Variants in CXADR observed in about 807,000 individuals in gnomAD.
CXADR encodes coxsackievirus and adenovirus receptor.
A neutral mutation model predicts 40.3 loss-of-function variants in CXADR; 20 were observed. That is an observed-to-expected ratio of 0.50 (90% CI 0.35 to 0.72). The LOEUF (loss-of-function observed/expected upper bound fraction) is 0.72. CXADR is among the 30% of genes least tolerant of loss of function. The probability of loss-of-function intolerance (pLI) is 0.01; values close to 1 mark genes in which losing one functional copy is unlikely to be tolerated. For missense variants in CXADR, 332 were observed against 449.1 expected, an observed-to-expected ratio of 0.74 and a Z score of 2.36; for synonymous variants, 150 against 161.3, an observed-to-expected ratio of 0.93 and a Z score of 0.53.
At chr21:17,572,062 C>T (rs1449117697), downstream of CXADR, among the ~76,000 whole-genome samples, 6 of 152,094 alleles carry the variant, frequency 3.9e-5, no homozygotes, top group Non-Finnish European at 8.8e-5. Flanking sequence ...GGCCTGGTCT[C>T]TTCAAAAAGG....
At chr21:17,630,650 C>CTTTTTTTTTTTTTTTTTT in the CXADR span, among the ~76,000 whole-genome samples, 3 of 116,994 alleles carry the variant, frequency 2.6e-5, no homozygotes, top group Non-Finnish European at 3.4e-5. Flanking sequence ...CTTCCTTCTT[C>CTTTTTTTTTTTTTTTTTT]TTTTTTTTTT....
chr21:17,602,042 TA>T, the CXADR span, among the ~76,000 whole-genome samples: 1 of 152,200 alleles, frequency 6.6e-6, no homozygotes, highest in Non-Finnish European at 1.5e-5. Flanking sequence ...GGACAACTTT[TA>T]AACTTTCCAT....
At chr21:17,600,860 A>C in the CXADR span, among the ~76,000 whole-genome samples, 1 of 152,008 alleles carries the variant, frequency 6.6e-6, no homozygotes, top group Non-Finnish European at 1.5e-5. Flanking sequence ...TTTTTAGTTT[A>C]CCTCATAAAA....
At chr21:17,604,168 G>A in the CXADR span, 2 of 1,276,674 alleles carry the variant, frequency 1.6e-6, no homozygotes, top group Non-Finnish European at 2.0e-6. Flanking sequence ...AGGAGGCCGG[G>A]CGCAGTGGCT....
the CXADR span, among the ~76,000 whole-genome samples, chr21:17,631,642 C>G: frequency 1.3e-5 from 2 of 152,284 alleles, no homozygotes; most frequent in South Asian, 2.1e-4. Context: ...TATTCGTTCT[C>G]TTAGAGACCT....
chr21:17,523,560 A>G (rs2060557675), intron 1 of CXADR, among the ~76,000 whole-genome samples: 1 of 152,222 alleles, frequency 6.6e-6, no homozygotes, highest in Non-Finnish European at 1.5e-5. Flanking sequence ...TCATCATCAG[A>G]TGAGAGTTGA....
intron 7 of CXADR, among the ~76,000 whole-genome samples, chr21:17,592,763 T>C (rs1444897469): frequency 6.6e-6 from 1 of 151,884 alleles, no homozygotes; most frequent in Non-Finnish European, 1.5e-5. Flanking sequence ...AGAGTAGATA[T>C]GGTTTAGAGA....
In CXADR at chr21:17,569,662, C is replaced by T. The variant is rs1246846265; in HGVS notation, c.*3970C>T. On this transcript the variant is annotated 3_prime_UTR_variant, in exon 7 of 7. Transcript: ENST00000284878. ...TGATCATTTATCTTATAGCAGATAACCCCAGCCTCTTATTCATTATGGTTA... is the reference window on the plus strand; with the variant it reads ...TGATCATTTATCTTATAGCAGATAATCCCAGCCTCTTATTCATTATGGTTA... The T allele has an allele frequency of 1.0e-6, 1 of 971,744 alleles. No individual in the cohort carries two copies. Among genetic ancestry groups the T allele is most frequent in the South Asian group, 4.8e-5 (1 of 20,996 alleles). 60.2% of individuals were successfully genotyped at this position (971,744 alleles called of 1,614,324 possible).
At chr21:17,550,870 C>G (rs1426917726) in intron 2 of CXADR, among the ~76,000 whole-genome samples, 1 of 152,168 alleles carries the variant, frequency 6.6e-6, no homozygotes, top group African/African-American at 2.4e-5. Context: ...ATTCAAAGGA[C>G]TTGTTAACCT....
chr21:17,527,771 T>C (rs1052926953), intron 1 of CXADR, among the ~76,000 whole-genome samples: 18 of 152,036 alleles, frequency 1.2e-4, no homozygotes, highest in East Asian at 3.9e-4. Context: ...ATCTAACTTA[T>C]AGTTGCTGCT....
At chr21:17,593,092 A>AG in intron 7 of CXADR, 2 of 1,280,800 alleles carry the variant, frequency 1.6e-6, no homozygotes, top group Non-Finnish European at 2.0e-6. Flanking sequence ...GTTTTTAAAA[A>AG]TTTACCTTTG....
the CXADR span, among the ~76,000 whole-genome samples, chr21:17,634,799 C>T: frequency 6.6e-6 from 1 of 152,094 alleles, no homozygotes; most frequent in African/African-American, 2.4e-5. Flanking sequence ...GGCTATAGTG[C>T]AGTGACTATT....
chr21:17,536,300 C>G (rs190454997), intron 1 of CXADR, among the ~76,000 whole-genome samples: 1 of 152,190 alleles, frequency 6.6e-6, no homozygotes, highest in Admixed American at 6.5e-5. Context: ...GATTTGCTAA[C>G]ATTTCTCATC....
chr21:17,594,370 A>T (rs1185756181), downstream of CXADR: 3 of 1,580,572 alleles, frequency 1.9e-6, no homozygotes, highest in Non-Finnish European at 1.7e-6. Flanking sequence ...ATTCAAAGGA[A>T]AAAATCATCA....
Position 17,580,256 on chromosome 21 carries a change from T to TG in CXADR, c.1018-12893dup, listed in dbSNP as rs747918773. Among the ~76,000 whole-genome samples, 172 of 152,370 alleles carry TG rather than the reference T, an allele frequency of 1.1e-3. 1 individual carries two copies. Among genetic ancestry groups the TG allele is most frequent in the South Asian group, 1.9e-3 (9 of 4,826 alleles). ...AAGAGTTGGCGAAAACTCTCACTTC[T>TG]GGGTTAACTTTCTTAAAACACTTAT... is the stretch of plus-strand genomic sequence containing the variant. On this transcript the variant is annotated intron_variant, in intron 7 of 7. Transcript: ENST00000400169.
chr21:17,556,510 A>T (rs370278069), intron 3 of CXADR, among the ~76,000 whole-genome samples: 1 of 152,216 alleles, frequency 6.6e-6, no homozygotes, highest in Non-Finnish European at 1.5e-5. Context: ...TTAGAATACC[A>T]TATTACCCAT....
the CXADR span, among the ~76,000 whole-genome samples, chr21:17,619,572 G>T: frequency 6.7e-6 from 1 of 149,092 alleles, no homozygotes; most frequent in African/African-American, 2.5e-5. Context: ...CTGGCAGCCT[G>T]GGCATCAGAG....
intron 3 of CXADR, among the ~76,000 whole-genome samples, chr21:17,556,432 G>A (rs1353306): frequency 0.85 from 129,371 of 152,170 alleles, 55,355 homozygotes; most frequent in East Asian, 1. Context: ...ATAACTATCC[G>A]TTATTAGATA....
the CXADR span, among the ~76,000 whole-genome samples, chr21:17,615,541 C>T: frequency 6.6e-6 from 1 of 152,062 alleles, no homozygotes; most frequent in Non-Finnish European, 1.5e-5. Context: ...TATTATAGTA[C>T]ACTGTAATAA....
Sources: allele counts gnomAD v4.1 joint callset (sites outside exome capture counted in the v4.1 genomes callset), GRCh38; gene constraint gnomAD v4.1.1; transcripts MANE v1.5; gene names NCBI Gene and HGNC (gene_info 2026-07-23, HGNC 2026-07-21).